The following UBOX5 variants were observed in gnomAD, a reference collection of about 807,000 sequenced individuals.
The protein encoded by UBOX5 is RING finger protein 37.
Under a neutral mutation model 39.0 loss-of-function variants are expected in UBOX5, and 28 were observed. The ratio of observed to expected loss-of-function variants is 0.72; its 90% CI spans 0.53 to 0.98. The LOEUF (loss-of-function observed/expected upper bound fraction) is 0.98. Ranked by LOEUF, UBOX5 falls within the 50% of genes least tolerant of loss-of-function variation. The pLI is 0.00. For missense variants in UBOX5, 585 were observed against 674.4 expected, an observed-to-expected ratio of 0.87 and a Z score of 1.47; for synonymous variants, 283 against 275.5, an observed-to-expected ratio of 1.03 and a Z score of -0.27.
At chr20:3,141,815 C>T (rs1040771267) in intron 1 of UBOX5, among the ~76,000 whole-genome samples, 6 of 152,116 alleles carry the variant, frequency 3.9e-5, no homozygotes, top group Middle Eastern at 3.4e-3. Flanking sequence ...GAGTTCAAGA[C>T]CAGCCTTGGC....
chr20:3,158,526 T>A (rs1427769895), intron 1 of UBOX5, among the ~76,000 whole-genome samples: 1 of 151,996 alleles, frequency 6.6e-6, no homozygotes, highest in Non-Finnish European at 1.5e-5. Context: ...CAGGCTGGAG[T>A]GCAGTGGCGC....
intron 1 of UBOX5, chr20:3,147,557 C>A: frequency 6.2e-7 from 1 of 1,614,194 alleles, no homozygotes; most frequent in Non-Finnish European, 8.5e-7. Flanking sequence ...AAACTTAGTT[C>A]TCTCCTGAGC....
At position 3,121,787 on chromosome 20, in the gene UBOX5, G is replaced by A. The variant is rs945801278; in HGVS notation, c.852C>T (p.Ile284=). ...CPMLLPSGKV[I]DQSTLEKCNR... is the part of the protein sequence containing the mutation. Reference sequence around the variant, plus strand: ...TACACTTCTCCAGTGTGCTCTGGTCGATGACCTTGCCTGAGGGCAGCAGCA... The same window carrying A: ...TACACTTCTCCAGTGTGCTCTGGTCAATGACCTTGCCTGAGGGCAGCAGCA... The change falls in exon 3 of 5, where the codon ATC becomes ATT. Residue 284 remains isoleucine (I), a synonymous_variant. Transcript: ENST00000217173. 1.9e-6 allele frequency: 3 copies of A among 1,614,126 alleles called. No individual in the cohort carries two copies. The highest frequency in any genetic ancestry group is 1.7e-5 in the Admixed American group (1 of 60,022).
chr20:3,117,505 G>A (rs2148590343), intron 3 of UBOX5, among the ~76,000 whole-genome samples: 1 of 152,268 alleles, frequency 6.6e-6, no homozygotes, highest in East Asian at 1.9e-4. Context: ...GCAACATGGT[G>A]AAACACCGTC....
intron 1 of UBOX5, among the ~76,000 whole-genome samples, chr20:3,134,755 A>C (rs1426944338): frequency 6.6e-6 from 1 of 151,630 alleles, no homozygotes; most frequent in Non-Finnish European, 1.5e-5. Context: ...GCTACTCGGG[A>C]GGCTGAGGCA....
At chr20:3,111,520 C>T (rs1285903160) in intron 4 of UBOX5, 4 of 152,822 alleles carry the variant, frequency 2.6e-5, no homozygotes, top group Non-Finnish European at 5.8e-5. Context: ...GCACGGCCCA[C>T]CCAGCCTCCT....
Position 3,135,493 on chromosome 20 carries a change from G to A in UBOX5, c.-41-12087C>T, listed in dbSNP as rs989596775. Among the ~76,000 whole-genome samples the A allele has an allele frequency of 6.0e-5, 9 of 151,052 alleles. No individual in the cohort carries two copies. The East Asian group carries it at 7.7e-4, about 13-fold the overall frequency. Reference sequence around the variant, plus strand: ...CACAGCTGGGAAGGCAAACGGAGCCGGATGAGGAAGGCCTTGAACGTCATG... The same window carrying A: ...CACAGCTGGGAAGGCAAACGGAGCCAGATGAGGAAGGCCTTGAACGTCATG... On this transcript the variant is annotated intron_variant, in intron 1 of 4. Coordinates refer to ENST00000217173, the MANE Select transcript of UBOX5 (RefSeq NM_014948.4).
chr20:3,123,935 C>T (rs544819913), intron 1 of UBOX5, among the ~76,000 whole-genome samples: 27 of 152,276 alleles, frequency 1.8e-4, no homozygotes, highest in Middle Eastern at 3.4e-3. Flanking sequence ...TGCCTGTAAT[C>T]CCAACAATTT....
At position 3,108,170 on chromosome 20, in the gene UBOX5, A is replaced by C. The variant is rs1810801; in HGVS notation, c.*1936T>G. The C allele has an allele frequency of 0.76, 115,653 of 151,640 alleles. 45,215 individuals are homozygous for C. Among genetic ancestry groups the C allele is most frequent in the East Asian group, 0.99 (5,136 of 5,174 alleles). 9.4% of individuals were successfully genotyped at this position (151,640 alleles called of 1,614,324 possible). Reference sequence around the variant, plus strand: ...TCGCCCAGGCTGGAGTACAGTGGTGAGATCTCGGCTCACTGCAACCTCTGC... The same window carrying C: ...TCGCCCAGGCTGGAGTACAGTGGTGCGATCTCGGCTCACTGCAACCTCTGC... On this transcript the variant is annotated 3_prime_UTR_variant, in exon 5 of 5. Transcript: ENST00000217173.
intron 1 of UBOX5, among the ~76,000 whole-genome samples, chr20:3,144,661 A>G (rs548678805): frequency 6.6e-6 from 1 of 152,336 alleles, no homozygotes. Flanking sequence ...AGTGAAGACA[A>G]CTCACAGAAT....
At chr20:3,140,388 C>T (rs2066508326) in intron 1 of UBOX5, among the ~76,000 whole-genome samples, 2 of 151,998 alleles carry the variant, frequency 1.3e-5, no homozygotes, top group South Asian at 4.2e-4. Flanking sequence ...CGTCTTTCTC[C>T]TGAGAGACTC....
Position 3,122,237 on chromosome 20 carries a change from C to G in UBOX5, c.402G>C (p.Arg134Ser). The change falls in exon 3 of 5, where the codon AGG becomes AGC. Residue 134 changes from arginine (R) to serine (S), a missense_variant. Arg to Ser is a moderately radical substitution (Grantham distance 110, BLOSUM62 -1). Transcript: ENST00000217173. ...CAAAAGGGGGCCTGGCCTTGAAGCC[C>G]CTGTGGCTAAACACCACTTGGCTCT... ...KNQSQVVFSHRGFKARPPFGA... is the reference protein window; with the variant it reads ...KNQSQVVFSHSGFKARPPFGA... 1 of 1,614,238 alleles carries G rather than the reference C, an allele frequency of 6.2e-7. No individual in the cohort carries two copies. The highest frequency in any genetic ancestry group is 2.2e-5 in the East Asian group (1 of 44,888).
At chr20:3,153,727 T>C (rs2066655942) in intron 1 of UBOX5, among the ~76,000 whole-genome samples, 1 of 152,238 alleles carries the variant, frequency 6.6e-6, no homozygotes, top group Non-Finnish European at 1.5e-5. Flanking sequence ...TCTACGATTC[T>C]ATCACTACGG....
At chr20:3,112,886 A>C (rs547440304) in intron 4 of UBOX5, among the ~76,000 whole-genome samples, 2 of 152,198 alleles carry the variant, frequency 1.3e-5, no homozygotes, top group African/African-American at 4.8e-5. Context: ...GGATTGCTTG[A>C]ACCAGGGAGA....
chr20:3,123,410 A>G lies in UBOX5; in HGVS notation c.-41-4T>C, dbSNP rs2066353095. ...TCTTCCAAGCATCAGAAGCAGCCTT[A>G]AATAAGAAATAAAACTATGTATTAG... On this transcript the variant is annotated splice_region_variant and splice_polypyrimidine_tract_variant and intron_variant, in intron 1 of 4. Coordinates refer to ENST00000217173, the MANE Select transcript of UBOX5 (RefSeq NM_014948.4). 22 of 1,566,260 alleles carry G rather than the reference A, an allele frequency of 1.4e-5. No homozygotes were observed. Among genetic ancestry groups the G allele is most frequent in the Non-Finnish European group, 1.8e-5 (20 of 1,141,188 alleles).
chr20:3,151,446 A>G (rs918389328), intron 1 of UBOX5, among the ~76,000 whole-genome samples: 2 of 152,184 alleles, frequency 1.3e-5, no homozygotes, highest in Non-Finnish European at 2.9e-5. Flanking sequence ...TATTACATAA[A>G]AAGTCTGCTG....
intron 1 of UBOX5, chr20:3,148,739 G>C: frequency 2.5e-6 from 4 of 1,614,180 alleles, no homozygotes; most frequent in Non-Finnish European, 3.4e-6. Flanking sequence ...GTTTTCAAAG[G>C]AATCAAACAC....
At chr20:3,134,316 T>C (rs1400836568) in intron 1 of UBOX5, among the ~76,000 whole-genome samples, 2 of 152,126 alleles carry the variant, frequency 1.3e-5, no homozygotes, top group Admixed American at 6.5e-5. Context: ...CTATTACTTA[T>C]GTTGTTTAAA....
chr20:3,152,040 G>T (rs1454800088), intron 1 of UBOX5: 3 of 149,916 alleles, frequency 2.0e-5, no homozygotes, highest in African/African-American at 7.4e-5. Context: ...AGGAGGCGGA[G>T]GTTGCAGTGA....
Sources: allele counts gnomAD v4.1 joint callset (sites outside exome capture counted in the v4.1 genomes callset), GRCh38; gene constraint gnomAD v4.1.1; transcripts MANE v1.5; gene names NCBI Gene and HGNC (gene_info 2026-07-23, HGNC 2026-07-21).